DISP1: variants seen among roughly 807,000 people sequenced by gnomAD.
DISP1 encodes the protein protein dispatched homolog 1.
DISP1 carries 30 observed loss-of-function variants against 37.3 expected under a neutral mutation model. That is an observed-to-expected ratio of 0.80 (90% CI 0.60 to 1.09). The LOEUF is 1.09. Among genes scored for constraint, DISP1 ranks in the 50% least tolerant of loss-of-function variants. The probability of loss-of-function intolerance (pLI) is 0.00; values close to 1 mark genes in which losing one functional copy is unlikely to be tolerated. For missense variants in DISP1, 1,598 were observed against 1,879.5 expected (o/e 0.85, Z 2.77); for synonymous variants, 634 against 690.2 (o/e 0.92, Z 1.28).
At chr1:222,932,697 T>C (rs1041886162) in intron 2 of DISP1, among the ~76,000 whole-genome samples, 3 of 152,020 alleles carry the variant, frequency 2.0e-5, no homozygotes, top group African/African-American at 7.2e-5. Context: ...TCCCTACCTC[T>C]TTCTTTCCAG....
Position 222,944,527 on chromosome 1 carries a change from T to C in DISP1, c.509+1195T>C, listed in dbSNP as rs182936630. 8.7e-4 allele frequency among the ~76,000 whole-genome samples: 133 copies of C among 152,316 alleles called. 2 individuals carry two copies. The highest frequency in any genetic ancestry group is 2.8e-3 in the African/African-American group (115 of 41,568). Reference sequence around the variant, plus strand: ...TACAGGGAAATGTACAGATTAATTATTCAGTTCGATCAGTGTTGACAAACG... The same window carrying C: ...TACAGGGAAATGTACAGATTAATTACTCAGTTCGATCAGTGTTGACAAACG... On this transcript the variant is annotated intron_variant, in intron 3 of 8. Transcript: ENST00000675850.
At chr1:222,952,411 A>G (rs949306246) in intron 3 of DISP1, among the ~76,000 whole-genome samples, 4 of 152,204 alleles carry the variant, frequency 2.6e-5, no homozygotes, top group Non-Finnish European at 4.4e-5. Context: ...ATGGCAGCAA[A>G]TGAAACTTAT....
chr1:222,899,291 G>C (rs1558318391), intron 1 of DISP1, among the ~76,000 whole-genome samples: 1 of 152,150 alleles, frequency 6.6e-6, no homozygotes, highest in Non-Finnish European at 1.5e-5. Context: ...AACATAGGAT[G>C]TTTAAAACAT....
In DISP1 at chr1:223,003,166, A is replaced by G; in HGVS notation, c.1769A>G (p.His590Arg). The change falls in exon 9 of 9, where the codon CAT (histidine) becomes CGT (arginine). Residue 590 changes from histidine to arginine, a missense_variant. His to Arg is a conservative substitution (Grantham distance 29). Coordinates refer to ENST00000675850, the MANE Select transcript of DISP1 (RefSeq NM_001377229.1). This position sits in a 1 kb window ranked among gnomAD's most constrained non-coding sequence, Gnocchi z 4.3. ...AACTACACAAAATTTGATAAGCCTC[A>G]TGCCGAAACCTCAGAAACAGTAAGC... is the stretch of plus-strand genomic sequence containing the variant. ...VWNYTKFDKP[H>R]AETSETVSIT... 6.2e-7 allele frequency: 1 copy of G among 1,614,238 alleles called. No individual in the cohort carries two copies. Among genetic ancestry groups the G allele is most frequent in the Non-Finnish European group, 8.5e-7 (1 of 1,180,034 alleles).
intron 4 of DISP1, among the ~76,000 whole-genome samples, chr1:222,985,440 AG>A (rs1385740208): frequency 1.3e-5 from 2 of 152,212 alleles, no homozygotes; most frequent in Non-Finnish European, 2.9e-5. Flanking sequence ...TCACGAGGTC[AG>A]GAGTTCGAGA....
At chr1:222,936,114 C>A (rs1030968642) in intron 2 of DISP1, among the ~76,000 whole-genome samples, 1 of 152,110 alleles carries the variant, frequency 6.6e-6, no homozygotes, top group African/African-American at 2.4e-5. Context: ...GTGTGGTAGA[C>A]AAATACCTGC....
At chr1:222,942,301 T>A (rs1341765417) in intron 2 of DISP1, among the ~76,000 whole-genome samples, 1 of 152,190 alleles carries the variant, frequency 6.6e-6, no homozygotes, top group Non-Finnish European at 1.5e-5. Flanking sequence ...AAATCATATA[T>A]TCTTGAGATT....
intron 1 of DISP1, among the ~76,000 whole-genome samples, chr1:222,927,064 T>G (rs936219686): frequency 3.9e-5 from 6 of 151,996 alleles, no homozygotes; most frequent in African/African-American, 7.2e-5. Context: ...AGTTGCTGGG[T>G]CATATGGTAG....
At chr1:222,825,312 G>A (rs1454633066) in intron 1 of DISP1, among the ~76,000 whole-genome samples, 2 of 152,000 alleles carry the variant, frequency 1.3e-5, no homozygotes, top group Admixed American at 1.3e-4. Context: ...TATTGATTTA[G>A]CCATTTCATA....
intron 1 of DISP1, among the ~76,000 whole-genome samples, chr1:222,908,870 A>T (rs1304078424): frequency 1.4e-5 from 2 of 142,000 alleles, no homozygotes; most frequent in Non-Finnish European, 3.1e-5. Flanking sequence ...CTCTTTCATT[A>T]AAAAAAAAAA....
Position 222,877,382 on chromosome 1 carries a change from G to A in DISP1, c.-158-51048G>A, listed in dbSNP as rs149001188. ...GCAGGCAAAGAGAGAGAGATTGTGC[G>A]GGAGAACTCCTATTTATAAAACCAT... On this transcript the variant is annotated intron_variant, in intron 1 of 8. Coordinates refer to ENST00000675850, the MANE Select transcript of DISP1 (RefSeq NM_001377229.1). Among the ~76,000 whole-genome samples, 564 of 152,248 alleles carry A rather than the reference G, an allele frequency of 3.7e-3. 5 individuals are homozygous for A. The highest frequency in any genetic ancestry group is 0.013 in the African/African-American group (537 of 41,528).
intron 3 of DISP1, among the ~76,000 whole-genome samples, chr1:222,969,869 C>G (rs980354225): frequency 1.3e-5 from 2 of 151,990 alleles, no homozygotes; most frequent in Admixed American, 1.3e-4. Flanking sequence ...GTTTTATAAT[C>G]AGAAAACAAA....
chr1:222,840,838 A>G (rs947979409), intron 1 of DISP1, among the ~76,000 whole-genome samples: 3 of 152,148 alleles, frequency 2.0e-5, no homozygotes, highest in Non-Finnish European at 4.4e-5. Context: ...CTGGGATTAC[A>G]GGTGTGAGCC....
chr1:222,997,773 C>T (rs1484616385), intron 8 of DISP1, among the ~76,000 whole-genome samples: 3 of 152,152 alleles, frequency 2.0e-5, no homozygotes, highest in African/African-American at 7.2e-5. Flanking sequence ...AAGTCAACAA[C>T]TAAAAGCATT....
intron 2 of DISP1, among the ~76,000 whole-genome samples, chr1:222,942,322 A>G (rs1034231318): frequency 2.0e-5 from 3 of 152,192 alleles, no homozygotes; most frequent in African/African-American, 7.2e-5. Context: ...TTTCTAAGAT[A>G]CAAAACATTC....
intron 1 of DISP1, among the ~76,000 whole-genome samples, chr1:222,908,936 C>A (rs1054743752): frequency 6.6e-6 from 1 of 151,306 alleles, no homozygotes; most frequent in African/African-American, 2.4e-5. Context: ...CTACACTTTG[C>A]AAATTTATTG....
In DISP1 at chr1:222,969,762, A is replaced by G. The variant is rs1414302717; in HGVS notation, c.510-13318A>G. Among the ~76,000 whole-genome samples, 6 of 152,102 alleles carry G rather than the reference A, an allele frequency of 3.9e-5. No homozygotes were observed. In the East Asian group the frequency reaches 7.7e-4, roughly 20 times the overall value. On this transcript the variant is annotated intron_variant, in intron 3 of 8. Transcript: ENST00000675850. ...CAAAAAGGAAAAATATTCAGAGAAAATAGATCAAAAAGAGTTACAATGTTT... is the reference window on the plus strand; with the variant it reads ...CAAAAAGGAAAAATATTCAGAGAAAGTAGATCAAAAAGAGTTACAATGTTT...
At chr1:222,875,042 G>T (rs1292654011) in intron 1 of DISP1, among the ~76,000 whole-genome samples, 1 of 151,998 alleles carries the variant, frequency 6.6e-6, no homozygotes, top group Non-Finnish European at 1.5e-5. Flanking sequence ...TAAACGAATT[G>T]GTAAACCATT....
intron 1 of DISP1, among the ~76,000 whole-genome samples, chr1:222,860,305 C>T (rs1479702237): frequency 1.3e-5 from 2 of 152,136 alleles, no homozygotes; most frequent in Non-Finnish European, 2.9e-5. Context: ...CTGACTGCCT[C>T]GGCCTCCCAA....
Sources: allele counts gnomAD v4.1 joint callset (sites outside exome capture counted in the v4.1 genomes callset), GRCh38; gene constraint gnomAD v4.1.1; non-coding constraint Gnocchi (gnomAD v3.1); transcripts MANE v1.5; gene names NCBI Gene and HGNC (gene_info 2026-07-23, HGNC 2026-07-21).